Variants in ANKS1A observed in about 807,000 individuals in gnomAD.
The protein encoded by ANKS1A is ankyrin repeat and SAM domain-containing protein 1A.
Under a neutral mutation model 120.3 loss-of-function variants are expected in ANKS1A, and 55 were observed. That is an observed-to-expected ratio of 0.46 (90% confidence interval 0.37 to 0.57). ANKS1A has a LOEUF of 0.57. Ranked by LOEUF, ANKS1A falls within the 20% of genes least tolerant of loss-of-function variation. The pLI is 0.00. For synonymous variants in ANKS1A, 590 were observed against 604.7 expected (o/e 0.98, Z 0.36); for missense variants, 1,123 against 1,480.3 (o/e 0.76, Z 3.96).
chr6:35,052,227 C>T (rs1377540972), intron 11 of ANKS1A, among the ~76,000 whole-genome samples: 7 of 152,144 alleles, frequency 4.6e-5, no homozygotes, highest in Admixed American at 4.6e-4. Context: ...GTGCACAGAT[C>T]ACTTGAGTCC....
Position 34,889,541 on chromosome 6 carries a change from A to AGCG in ANKS1A, c.157_159dup (p.Gly53dup), listed in dbSNP as rs750989331. The AGCG allele has an allele frequency of 1.6e-3, 1,935 of 1,200,252 alleles. 9 individuals are homozygous for AGCG. The highest frequency in any genetic ancestry group is 0.014 in the East Asian group (317 of 23,102). The allele number at this position is 1,200,252 out of a possible 1,614,324, so 74.4% of individuals were successfully genotyped here. A position where few individuals can be genotyped will look rare whatever the true frequency, so the allele number is the denominator to read the frequency against. On this transcript the variant is annotated inframe_insertion, in exon 1 of 24. Transcript: ENST00000360359. This position sits in a 1 kb window ranked among gnomAD's most constrained non-coding sequence, Gnocchi z 5.5. ...TGGCTCTGGGGGCGGCGGCGGCGGC[A>AGCG]GCGGCGGCGGCGGCGGCGGCCTCGG...
chr6:35,091,090 A>G lies in ANKS1A; in HGVS notation c.*2481A>G. 1.0e-6 allele frequency: 1 copy of G among 985,930 alleles called. No individual in the cohort carries two copies. Among genetic ancestry groups the G allele is most frequent in the Middle Eastern group, 5.2e-4 (1 of 1,914 alleles). The allele number at this position is 985,930 out of a possible 1,614,324, so 61.1% of individuals were successfully genotyped here. A position where few individuals can be genotyped will look rare whatever the true frequency, so the allele number is the denominator to read the frequency against. On this transcript the variant is annotated 3_prime_UTR_variant, in exon 24 of 24. Transcript: ENST00000360359. Reference sequence around the variant, plus strand: ...CCCAGGCCAGCAGAAAGCAGCTCAGAAGTATTGTTGCTCATGGTGTGGCAA... The same window carrying G: ...CCCAGGCCAGCAGAAAGCAGCTCAGGAGTATTGTTGCTCATGGTGTGGCAA...
At chr6:35,007,883 A>G (rs1398575882) in intron 10 of ANKS1A, among the ~76,000 whole-genome samples, 1 of 152,230 alleles carries the variant, frequency 6.6e-6, no homozygotes, top group African/African-American at 2.4e-5. Flanking sequence ...AACGGTTTTT[A>G]GCTTCTACCT....
At chr6:34,957,374 A>G (rs1770426009) in intron 1 of ANKS1A, among the ~76,000 whole-genome samples, 1 of 152,214 alleles carries the variant, frequency 6.6e-6, no homozygotes, top group Non-Finnish European at 1.5e-5. Context: ...ACTGTTAAGT[A>G]TGTAGAAAGC....
intron 1 of ANKS1A, among the ~76,000 whole-genome samples, chr6:34,905,505 T>C (rs1767608503): frequency 7.6e-6 from 1 of 131,220 alleles, no homozygotes. Context: ...CTTAATACTT[T>C]GTCTGTGCCA....
At chr6:35,078,680 C>T (rs1171829453) in intron 14 of ANKS1A, 24 bp downstream of exon 14, 1 of 1,598,728 alleles carries the variant, frequency 6.3e-7, no homozygotes, top group East Asian at 2.2e-5. Context: ...GCCCTGTAGC[C>T]TCAGCCCGTG....
intron 10 of ANKS1A, among the ~76,000 whole-genome samples, chr6:35,010,088 G>T (rs939304844): frequency 6.6e-6 from 1 of 151,886 alleles, no homozygotes; most frequent in East Asian, 1.9e-4. Flanking sequence ...CTTGGAGGCT[G>T]AGGTGGAAGA....
At chr6:35,019,897 C>G (rs1359288116) in intron 11 of ANKS1A, among the ~76,000 whole-genome samples, 1 of 151,996 alleles carries the variant, frequency 6.6e-6, no homozygotes, top group Non-Finnish European at 1.5e-5. Flanking sequence ...GGAAGAGATT[C>G]AGGAAAGACC....
chr6:34,982,149 T>A lies in ANKS1A; in HGVS notation c.732+163T>A, dbSNP rs918194094. Among the ~76,000 whole-genome samples, 4 of 152,180 alleles carry A rather than the reference T, an allele frequency of 2.6e-5. No homozygotes were observed. Among genetic ancestry groups the A allele is most frequent in the Non-Finnish European group, 5.9e-5 (4 of 68,034 alleles). ...TTCTAATGTGACACTAAGAAACAAA[T>A]GAACTCCTCAAGCAAGTCTATTATT... On this transcript the variant is annotated intron_variant, in intron 4 of 23. Coordinates refer to ENST00000360359, the MANE Select transcript of ANKS1A (RefSeq NM_015245.3). The surrounding 1 kb of genome is among the most constrained non-coding windows in gnomAD (Gnocchi z 4.9).
chr6:34,994,723 C>G (rs1181031836), intron 10 of ANKS1A, among the ~76,000 whole-genome samples: 1 of 152,132 alleles, frequency 6.6e-6, no homozygotes, highest in Non-Finnish European at 1.5e-5. Context: ...GATTTGGGGT[C>G]TCAAATCATA....
chr6:35,091,506 C>T, downstream of ANKS1A: 3 of 822,164 alleles, frequency 3.6e-6, no homozygotes, highest in Non-Finnish European at 4.4e-6. Context: ...CAGTGATTCG[C>T]ATCCTACACC....
Position 34,991,539 on chromosome 6 carries a change from T to TAC in ANKS1A, c.1302+2224_1302+2225insCA, listed in dbSNP as rs1309916304. Among the ~76,000 whole-genome samples the TAC allele has an allele frequency of 2.2e-3, 187 of 85,114 alleles. 6 individuals are homozygous for TAC. Among genetic ancestry groups the TAC allele is most frequent in the South Asian group, 0.011 (31 of 2,794 alleles). 55.8% of individuals were successfully genotyped at this position (85,114 alleles called of 152,430 possible). A position where few individuals can be genotyped will look rare whatever the true frequency, so the allele number is the denominator to read the frequency against. On this transcript the variant is annotated intron_variant, in intron 9 of 23. Transcript: ENST00000360359. The stretch of plus-strand genomic sequence containing the variant: ...CCACATAGCCGGGAAAAAAAAAATA[T>TAC]ATACACACACACACACACACACACA...
At chr6:35,049,427 G>A (rs1025828081) in intron 11 of ANKS1A, among the ~76,000 whole-genome samples, 1 of 152,214 alleles carries the variant, frequency 6.6e-6, no homozygotes, top group Non-Finnish European at 1.5e-5. Flanking sequence ...TGGTTCTTTA[G>A]TGTCTCTGGG....
intron 10 of ANKS1A, among the ~76,000 whole-genome samples, chr6:34,994,947 G>T (rs992762595): frequency 5.3e-5 from 8 of 152,226 alleles, no homozygotes; most frequent in Non-Finnish European, 1.0e-4. Context: ...CTGTAAGGGA[G>T]TGAGTGCTGC....
chr6:35,078,380 C>T (rs1294782366), intron 13 of ANKS1A, among the ~76,000 whole-genome samples, 178 bp from the exon 14 acceptor site: 1 of 152,162 alleles, frequency 6.6e-6, no homozygotes, highest in African/African-American at 2.4e-5. Context: ...CTCTGCCTAG[C>T]TCCCCTGGGA....
intron 10 of ANKS1A, among the ~76,000 whole-genome samples, chr6:35,010,659 C>T (rs1773715301): frequency 6.6e-6 from 1 of 151,964 alleles, no homozygotes; most frequent in Admixed American, 6.6e-5. Flanking sequence ...AAACAGTATC[C>T]ATTGATCTAG....
At position 34,889,546 on chromosome 6, in the gene ANKS1A, C is replaced by A; in HGVS notation, c.144C>A (p.Gly48=). The change falls in exon 1 of 24, where the codon GGC becomes GGA. Residue 48 remains glycine (G), a synonymous_variant. Transcript: ENST00000360359. This position sits in a 1 kb window ranked among gnomAD's most constrained non-coding sequence, Gnocchi z 5.5. The part of the protein sequence containing the change: ...GGSGGGGGGS[G]GGGGGLGSSS... Reference sequence around the variant, plus strand: ...CTGGGGGCGGCGGCGGCGGCAGCGGCGGCGGCGGCGGCGGCCTCGGCTCTT... The same window carrying A: ...CTGGGGGCGGCGGCGGCGGCAGCGGAGGCGGCGGCGGCGGCCTCGGCTCTT... The A allele has an allele frequency of 7.9e-7, 1 of 1,266,860 alleles. No homozygotes were observed. The highest frequency in any genetic ancestry group is 9.8e-7 in the Non-Finnish European group (1 of 1,015,694). The allele number at this position is 1,266,860 out of a possible 1,614,324, so 78.5% of individuals were successfully genotyped here.
chr6:34,971,160 A>G (rs1771164855), intron 3 of ANKS1A, among the ~76,000 whole-genome samples: 1 of 152,234 alleles, frequency 6.6e-6, no homozygotes, highest in Non-Finnish European at 1.5e-5. Context: ...TGAACTCACA[A>G]ATCAGGAACA....
intron 20 of ANKS1A, 150 bp downstream of exon 20, chr6:35,083,653 G>A (rs1777806287): frequency 1.3e-6 from 1 of 747,914 alleles, no homozygotes. Flanking sequence ...ACTTTGCTAA[G>A]AGGCGTGTCT....
Sources: gnomAD v4.1 joint callset for allele counts (sites outside exome capture counted in the v4.1 genomes callset) on GRCh38, gnomAD v4.1.1 for gene constraint, Gnocchi (gnomAD v3.1) non-coding constraint, MANE v1.5 for transcripts, NCBI Gene and HGNC (gene_info 2026-07-23, HGNC 2026-07-21) for gene names.